The following SEMA3B variants were observed in gnomAD, a reference collection of about 807,000 sequenced individuals.
SEMA3B encodes the protein semaphorin 3B, also known as semaphorin-3B.
SEMA3B carries 71 observed loss-of-function variants against 77.8 expected under a neutral mutation model. That is an observed-to-expected ratio of 0.91 (90% confidence interval 0.75 to 1.11). The LOEUF (loss-of-function observed/expected upper bound fraction) is 1.11. Among genes scored for constraint, SEMA3B ranks in the 50% most tolerant of loss-of-function variants. SEMA3B has a pLI of 0.00. For missense variants in SEMA3B, 968 were observed against 1,056.8 expected, an observed-to-expected ratio of 0.92 and a Z score of 1.17; for synonymous variants, 470 against 452.9, an observed-to-expected ratio of 1.04 and a Z score of -0.48.
chr3:50,267,024 C>G (rs1700911527), upstream of SEMA3B: 1 of 154,966 alleles, frequency 6.5e-6, no homozygotes, highest in East Asian at 1.9e-4. The surrounding 1 kb of genome is among the most constrained non-coding windows in gnomAD (Gnocchi z 5.7). Context: ...ATTTGCTGCT[C>G]CTCCTGCGTC....
Position 50,271,483 on chromosome 3 carries a change from G to A in SEMA3B, c.664+3G>A, listed in dbSNP as rs782349491. ...ACACGACTCCCGCTGGCTCAATGGT[G>A]AGAGGCTGGTGGGGTTGGTGGGTAG... On this transcript the variant is annotated splice_donor_region_variant and intron_variant, in intron 6 of 16. Coordinates refer to ENST00000616701, the MANE Select transcript of SEMA3B (RefSeq NM_001290060.2). The A allele has an allele frequency of 6.4e-7, 1 of 1,559,508 alleles. No individual in the cohort carries two copies. Among genetic ancestry groups the A allele is most frequent in the Non-Finnish European group, 8.7e-7 (1 of 1,151,678 alleles).
chr3:50,275,804 A>G lies in SEMA3B; in HGVS notation c.1805A>G (p.Glu602Gly). Reference sequence around the variant, plus strand: ...CCCCGCTCGCTGCAGGCGCGCGTGGAGTGGACTTTCCAGCGCGCAGGGGTG... The same window carrying G: ...CCCCGCTCGCTGCAGGCGCGCGTGGGGTGGACTTTCCAGCGCGCAGGGGTG... ...CEPRSLQARV[E>G]WTFQRAGVTA... Residue 602 changes from glutamate to glycine, a missense_variant, in exon 16 of 17, where the codon GAG (glutamate) becomes GGG (glycine). By Grantham distance (98) the Glu-to-Gly change is moderately conservative. Coordinates refer to ENST00000616701, the MANE Select transcript of SEMA3B (RefSeq NM_001290060.2). This position sits in a 1 kb window ranked among gnomAD's most constrained non-coding sequence, Gnocchi z 7.5. 6.2e-7 allele frequency: 1 copy of G among 1,611,218 alleles called. No homozygotes were observed. Among genetic ancestry groups the G allele is most frequent in the Non-Finnish European group, 8.5e-7 (1 of 1,179,662 alleles).
intron 6 of SEMA3B, among the ~76,000 whole-genome samples, chr3:50,272,860 A>ATAAT (rs1347529276): frequency 6.7e-6 from 1 of 149,136 alleles, no homozygotes; most frequent in Non-Finnish European, 1.5e-5. Flanking sequence ...TAAACAAATA[A>ATAAT]TAATAATAAT....
upstream of SEMA3B, among the ~76,000 whole-genome samples, chr3:50,264,390 A>G (rs1553704245): frequency 6.6e-6 from 1 of 152,180 alleles, no homozygotes; most frequent in Non-Finnish European, 1.5e-5. Flanking sequence ...TGGCAGCAAG[A>G]GTGCATACCT....
Position 50,269,300 on chromosome 3 carries a change from G to T in SEMA3B, c.60G>T (p.Gly20=). Residue 20 remains glycine (G), a synonymous_variant, in exon 1 of 17, where the codon GGG becomes GGT. Transcript: ENST00000616701. This position sits in a 1 kb window ranked among gnomAD's most constrained non-coding sequence, Gnocchi z 4.0. ...IPGLALLWAV[G]LGSAAPSPPR... is the part of the protein sequence containing the mutation. ...GCCTGGCCCTGCTCTGGGCAGTGGGGCTGGGGAGTGCCGCCCCCAGCCCCC... is the reference window on the plus strand; with the variant it reads ...GCCTGGCCCTGCTCTGGGCAGTGGGTCTGGGGAGTGCCGCCCCCAGCCCCC... 3.3e-6 allele frequency: 5 copies of T among 1,533,092 alleles called. No homozygotes were observed. The highest frequency in any genetic ancestry group is 4.4e-6 in the Non-Finnish European group (5 of 1,144,278). The allele number at this position is 1,533,092 out of a possible 1,614,324, so 95.0% of individuals were successfully genotyped here.
Position 50,273,196 on chromosome 3 carries a change from C to T in SEMA3B, c.665-102C>T, listed in dbSNP as rs782070640. 4 of 1,480,220 alleles carry T rather than the reference C, an allele frequency of 2.7e-6. No individual in the cohort carries two copies. Among genetic ancestry groups the T allele is most frequent in the Non-Finnish European group, 3.6e-6 (4 of 1,105,608 alleles). The allele number at this position is 1,480,220 out of a possible 1,614,324, so 91.7% of individuals were successfully genotyped here. ...GGTTGGGTGGTCAGACACTGTGATC[C>T]CGGGTGCTGTGCCCGCACTACGGGA... On this transcript the variant is annotated intron_variant, in intron 6 of 16. Coordinates refer to ENST00000616701, the MANE Select transcript of SEMA3B (RefSeq NM_001290060.2). This position sits in a 1 kb window ranked among gnomAD's most constrained non-coding sequence, Gnocchi z 6.5.
Position 50,274,703 on chromosome 3 carries a change from G to C in SEMA3B, c.1357+121G>C. On this transcript the variant is annotated intron_variant, in intron 11 of 16. Coordinates refer to ENST00000616701, the MANE Select transcript of SEMA3B (RefSeq NM_001290060.2). This position sits in a 1 kb window ranked among gnomAD's most constrained non-coding sequence, Gnocchi z 4.7. ...TCCTGGGCTGTGTCTCCACCCTGTGGATGCTGCCCAACCCACACTCTTCCA... is the reference window on the plus strand; with the variant it reads ...TCCTGGGCTGTGTCTCCACCCTGTGCATGCTGCCCAACCCACACTCTTCCA... The C allele has an allele frequency of 1.4e-6, 2 of 1,397,928 alleles. No individual in the cohort carries two copies. Among genetic ancestry groups the C allele is most frequent in the Non-Finnish European group, 2.0e-6 (2 of 1,018,662 alleles). The allele number at this position is 1,397,928 out of a possible 1,614,324, so 86.6% of individuals were successfully genotyped here.
rs1553705091 is a variant in SEMA3B, at chr3:50,270,161, C to T, written c.144C>T (p.Ser48=). 3.2e-6 allele frequency: 5 copies of T among 1,572,392 alleles called. No homozygotes were observed. The highest frequency in any genetic ancestry group is 4.3e-6 in the Non-Finnish European group (5 of 1,160,574). The change falls in exon 2 of 17, where the codon AGC becomes AGT. Residue 48 remains serine (S), a synonymous_variant. Coordinates refer to ENST00000616701, the MANE Select transcript of SEMA3B (RefSeq NM_001290060.2). This position sits in a 1 kb window ranked among gnomAD's most constrained non-coding sequence, Gnocchi z 4.7. ...LQAWHGLQTF[S]LERTCCYQAL... ...CCTGGCATGGTCTCCAGACTTTCAG[C>T]CTGGAGCGAACCTGCTGCTACCAGG...
At position 50,275,054 on chromosome 3, in the gene SEMA3B, G is replaced by C; in HGVS notation, c.1491+1G>C. The C allele has an allele frequency of 1.9e-6, 3 of 1,583,838 alleles. No homozygotes were observed. Among genetic ancestry groups the C allele is most frequent in the Non-Finnish European group, 2.6e-6 (3 of 1,161,104 alleles). On this transcript the variant is annotated splice_donor_variant, in intron 13 of 16. Transcript: ENST00000616701. LOFTEE classifies it high-confidence loss of function. This position sits in a 1 kb window ranked among gnomAD's most constrained non-coding sequence, Gnocchi z 7.5. ...CAGCATGCAAATTTCTTCCAAGAGG[G>C]TGAGTGACCAGGATGGGGGTCGGGG...
rs746857739 is a variant in SEMA3B at position 50,270,564 on chromosome 3, A to G, written c.330+69A>G. 1.9e-3 allele frequency: 3,041 copies of G among 1,593,752 alleles called. 5 individuals are homozygous for G. The highest frequency in any genetic ancestry group is 2.3e-3 in the Non-Finnish European group (2,728 of 1,165,486). Reference sequence around the variant, plus strand: ...CTCACCCCAGAGACAGGGCAGGGCTAAAACAGAGGCCTGCCTGTTCTGGCT... The same window carrying G: ...CTCACCCCAGAGACAGGGCAGGGCTGAAACAGAGGCCTGCCTGTTCTGGCT... On this transcript the variant is annotated intron_variant, in intron 3 of 16. Transcript: ENST00000616701. The surrounding 1 kb of genome is among the most constrained non-coding windows in gnomAD (Gnocchi z 4.7).
chr3:50,270,059 C>T lies in SEMA3B; in HGVS notation c.110-68C>T. The T allele has an allele frequency of 3.4e-6, 5 of 1,456,392 alleles. No individual in the cohort carries two copies. Among genetic ancestry groups the T allele is most frequent in the South Asian group, 1.4e-5 (1 of 71,906 alleles). The allele number at this position is 1,456,392 out of a possible 1,614,324, so 90.2% of individuals were successfully genotyped here. A position where few individuals can be genotyped will look rare whatever the true frequency, so the allele number is the denominator to read the frequency against. ...TGGCAACCTTGGCCGATAGAGTCAC[C>T]ACCAGGCAGGACCTGGGGGAGGCTT... On this transcript the variant is annotated intron_variant, in intron 1 of 16. Coordinates refer to ENST00000616701, the MANE Select transcript of SEMA3B (RefSeq NM_001290060.2). The surrounding 1 kb of genome is among the most constrained non-coding windows in gnomAD (Gnocchi z 4.7).
In SEMA3B at chr3:50,276,100, C is replaced by G; in HGVS notation, c.1846-202C>G. On this transcript the variant is annotated intron_variant, in intron 16 of 16. Coordinates refer to ENST00000616701, the MANE Select transcript of SEMA3B (RefSeq NM_001290060.2). This position sits in a 1 kb window ranked among gnomAD's most constrained non-coding sequence, Gnocchi z 5.8. ...GTCCCTGACCACCCCCCACCAAGTT[C>G]ATGTAAACCCCGCCTCTTTCGGATT... 1 of 774,124 alleles carries G rather than the reference C, an allele frequency of 1.3e-6. No individual in the cohort carries two copies. The highest frequency in any genetic ancestry group is 1.9e-6 in the Non-Finnish European group (1 of 518,996). The allele number at this position is 774,124 out of a possible 1,614,324, so 48.0% of individuals were successfully genotyped here. A position where few individuals can be genotyped will look rare whatever the true frequency, so the allele number is the denominator to read the frequency against.
chr3:50,273,186 C>T lies in SEMA3B; in HGVS notation c.665-112C>T. 1 of 1,445,806 alleles carries T rather than the reference C, an allele frequency of 6.9e-7. No homozygotes were observed. The highest frequency in any genetic ancestry group is 9.3e-7 in the Non-Finnish European group (1 of 1,079,006). 89.6% of individuals were successfully genotyped at this position (1,445,806 alleles called of 1,614,324 possible). On this transcript the variant is annotated intron_variant, in intron 6 of 16. Transcript: ENST00000616701. The surrounding 1 kb of genome is among the most constrained non-coding windows in gnomAD (Gnocchi z 6.5). ...TGGTGCTAGAGGTTGGGTGGTCAGA[C>T]ACTGTGATCCCGGGTGCTGTGCCCG...
At position 50,274,948 on chromosome 3, in the gene SEMA3B, C is replaced by G; in HGVS notation, c.1449+14C>G. The stretch of plus-strand genomic sequence containing the variant: ...CACGTGTTTGAGGTGAGGCCTCACC[C>G]CCAGTCGCCCGGGACCCCCCCACCC... On this transcript the variant is annotated intron_variant, in intron 12 of 16. Transcript: ENST00000616701. This position sits in a 1 kb window ranked among gnomAD's most constrained non-coding sequence, Gnocchi z 4.7. 11 of 1,604,014 alleles carry G rather than the reference C, an allele frequency of 6.9e-6. No individual in the cohort carries two copies. The highest frequency in any genetic ancestry group is 6.8e-6 in the Non-Finnish European group (8 of 1,176,630).
In SEMA3B at chr3:50,275,820, C is replaced by T; in HGVS notation, c.1821C>T (p.Arg607=). The T allele has an allele frequency of 6.2e-7, 1 of 1,607,982 alleles. No homozygotes were observed. The highest frequency in any genetic ancestry group is 8.5e-7 in the Non-Finnish European group (1 of 1,178,834). Residue 607 remains arginine (R), a synonymous_variant, in exon 16 of 17, where the codon CGC becomes CGT. Transcript: ENST00000616701. The surrounding 1 kb of genome is among the most constrained non-coding windows in gnomAD (Gnocchi z 7.5). The part of the protein sequence containing the change: ...LQARVEWTFQ[R]AGVTAHTQVL... ...CGCGCGTGGAGTGGACTTTCCAGCG[C>T]GCAGGGGTGACAGCCCACACCCAGG...
Position 50,270,077 on chromosome 3 carries a change from G to A in SEMA3B, c.110-50G>A. On this transcript the variant is annotated intron_variant, in intron 1 of 16. Transcript: ENST00000616701. This position sits in a 1 kb window ranked among gnomAD's most constrained non-coding sequence, Gnocchi z 4.7. ...GAGTCACCACCAGGCAGGACCTGGG[G>A]GAGGCTTCCAGCATGGCTGGCGAGT... The A allele has an allele frequency of 6.7e-7, 1 of 1,486,188 alleles. No homozygotes were observed. 92.1% of individuals were successfully genotyped at this position (1,486,188 alleles called of 1,614,324 possible).
In SEMA3B at chr3:50,273,709, C is replaced by T. The variant is rs1302555398; in HGVS notation, c.923-50C>T. On this transcript the variant is annotated intron_variant, in intron 8 of 16. Coordinates refer to ENST00000616701, the MANE Select transcript of SEMA3B (RefSeq NM_001290060.2). The surrounding 1 kb of genome is among the most constrained non-coding windows in gnomAD (Gnocchi z 6.5). ...CAGCGGCGCAGACTCCGGGAGCCCC[C>T]GCCGCAGCGGGGCTGTGCGCCCTAC... 3 of 1,602,862 alleles carry T rather than the reference C, an allele frequency of 1.9e-6. No individual in the cohort carries two copies. Among genetic ancestry groups the T allele is most frequent in the South Asian group, 1.1e-5 (1 of 90,936 alleles).
the SEMA3B span, chr3:50,262,326 A>T: frequency 1.3e-5 from 2 of 151,976 alleles, no homozygotes; most frequent in Non-Finnish European, 2.9e-5. Context: ...CCCTGACTGG[A>T]TGTAGTGGCT....
At position 50,273,824 on chromosome 3, in the gene SEMA3B, TC is replaced by T. The variant is rs782574803; in HGVS notation, c.990del (p.Ser331AlafsTer14). On this transcript the variant is annotated frameshift_variant, in exon 9 of 17. Coordinates refer to ENST00000616701, the MANE Select transcript of SEMA3B (RefSeq NM_001290060.2). LOFTEE classifies it high-confidence loss of function. This position sits in a 1 kb window ranked among gnomAD's most constrained non-coding sequence, Gnocchi z 6.5. Reference sequence around the variant, plus strand: ...GCTGCTCTATGCCGTCTTCTCCACGTCCAGGTGAGGGGCAGGAGGTAGGGAG... The same window carrying T: ...GCTGCTCTATGCCGTCTTCTCCACGTCAGGTGAGGGGCAGGAGGTAGGGAG... The part of the protein sequence containing the change: ...TPLLYAVFST[S>X]SSIFQGSAVC... 2 of 1,579,266 alleles carry T rather than the reference TC, an allele frequency of 1.3e-6. No individual in the cohort carries two copies. The highest frequency in any genetic ancestry group is 8.6e-7 in the Non-Finnish European group (1 of 1,162,730).
Sources: allele counts gnomAD v4.1 joint callset (sites outside exome capture counted in the v4.1 genomes callset), GRCh38; gene constraint gnomAD v4.1.1; non-coding constraint Gnocchi (gnomAD v3.1); transcripts MANE v1.5; gene names NCBI Gene and HGNC (gene_info 2026-07-23, HGNC 2026-07-21).